CTNNA2: variants seen among roughly 807,000 people sequenced by gnomAD.
CTNNA2 encodes catenin alpha 2, also known as catenin alpha-2.
Under a neutral mutation model 101.0 loss-of-function variants are expected in CTNNA2, and 42 were observed. The observed-to-expected ratio is 0.42, with a 90% CI of 0.32 to 0.54. The LOEUF (loss-of-function observed/expected upper bound fraction) is 0.54. CTNNA2 is among the 20% of genes least tolerant of loss of function. CTNNA2 has a pLI of 0.14. For missense variants in CTNNA2, 871 were observed against 1,223.1 expected, an observed-to-expected ratio of 0.71 and a Z score of 4.29; for synonymous variants, 450 against 456.4, an observed-to-expected ratio of 0.99 and a Z score of 0.18.
intron 1 of CTNNA2, among the ~76,000 whole-genome samples, chr2:79,624,028 C>G (rs992226070): frequency 6.6e-6 from 1 of 151,934 alleles, no homozygotes; most frequent in Non-Finnish European, 1.5e-5. Context: ...TTCCCCCATG[C>G]TCTCTTTCCC....
At chr2:80,101,533 G>A (rs771476650) in intron 7 of CTNNA2, among the ~76,000 whole-genome samples, 17 of 152,100 alleles carry the variant, frequency 1.1e-4, no homozygotes, top group Non-Finnish European at 2.1e-4. Flanking sequence ...TCAAGTCTAT[G>A]CGTGATAGCC....
intron 2 of CTNNA2, among the ~76,000 whole-genome samples, chr2:79,230,431 G>C (rs936586881): frequency 2.0e-5 from 3 of 152,172 alleles, no homozygotes; most frequent in Non-Finnish European, 4.4e-5. Flanking sequence ...TGAGCCTGTG[G>C]GTACACAGAA....
At chr2:79,977,813 C>A (rs899503579) in intron 7 of CTNNA2, among the ~76,000 whole-genome samples, 2 of 151,964 alleles carry the variant, frequency 1.3e-5, no homozygotes, top group African/African-American at 2.4e-5. Flanking sequence ...ATAAGCCTTG[C>A]CAGTCTGTGA....
Position 80,566,778 on chromosome 2 carries a change from C to T in CTNNA2, c.1742-7385C>T, listed in dbSNP as rs145467990. ...GTCAGGGAATGGTACATAGACAAAG[C>T]TGGTACATAATTCAAAGATCAGTGT... On this transcript the variant is annotated intron_variant, in intron 12 of 18. Coordinates refer to ENST00000402739, the MANE Select transcript of CTNNA2 (RefSeq NM_001282597.3). Among the ~76,000 whole-genome samples, 325 of 152,202 alleles carry T rather than the reference C, an allele frequency of 2.1e-3. 1 individual carries two copies. Among genetic ancestry groups the T allele is most frequent in the Middle Eastern group, 6.8e-3 (2 of 294 alleles).
At chr2:80,427,593 A>G (rs748533694) in intron 9 of CTNNA2, among the ~76,000 whole-genome samples, 1 of 152,194 alleles carries the variant, frequency 6.6e-6, no homozygotes, top group Non-Finnish European at 1.5e-5. Flanking sequence ...TCTTTGCTTC[A>G]TCTTCTTGAC....
chr2:79,903,775 G>T (rs530603385), intron 6 of CTNNA2, among the ~76,000 whole-genome samples: 1 of 152,290 alleles, frequency 6.6e-6, no homozygotes, highest in South Asian at 2.1e-4. Flanking sequence ...TGGGGAGCCC[G>T]GATCAGGAGC....
At chr2:79,533,286 G>T (rs147436139) in intron 1 of CTNNA2, among the ~76,000 whole-genome samples, 1 of 152,154 alleles carries the variant, frequency 6.6e-6, no homozygotes, top group Non-Finnish European at 1.5e-5. Flanking sequence ...TTAAAGCAGG[G>T]ATAAGCTTTA....
intron 7 of CTNNA2, among the ~76,000 whole-genome samples, chr2:79,994,738 A>T (rs575555808): frequency 6.6e-6 from 1 of 152,290 alleles, no homozygotes; most frequent in African/African-American, 2.4e-5. Context: ...CATTTTCTAA[A>T]TATGTCTTTA....
intron 7 of CTNNA2, among the ~76,000 whole-genome samples, chr2:79,997,403 G>C (rs903299841): frequency 1.3e-5 from 2 of 151,886 alleles, no homozygotes; most frequent in African/African-American, 2.4e-5. Context: ...GAAAGGAAAG[G>C]AAAGAGGAAA....
At chr2:80,456,422 A>C (rs539555119) in intron 9 of CTNNA2, among the ~76,000 whole-genome samples, 18 of 152,246 alleles carry the variant, frequency 1.2e-4, no homozygotes, top group African/African-American at 4.3e-4. Context: ...GTCTCAGTAC[A>C]TTTGGGTGGA....
At position 79,399,175 on chromosome 2, in the gene CTNNA2, T is replaced by C. The variant is rs576348908; in HGVS notation, c.-135+25162T>C. Among the ~76,000 whole-genome samples the C allele has an allele frequency of 4.7e-4, 71 of 152,268 alleles. 1 individual carries two copies. The South Asian group carries it at 0.015, about 31-fold the overall frequency. Reference sequence around the variant, plus strand: ...ATAAATAATGACAACTGATTAACATTATAGCTGCCTGATGCAGCATTGCCA... The same window carrying C: ...ATAAATAATGACAACTGATTAACATCATAGCTGCCTGATGCAGCATTGCCA... On this transcript the variant is annotated intron_variant, in intron 4 of 21. Transcript: ENST00000466387.
intron 7 of CTNNA2, among the ~76,000 whole-genome samples, chr2:80,291,575 G>C (rs543509432): frequency 3.3e-5 from 5 of 152,322 alleles, no homozygotes; most frequent in Non-Finnish European, 7.3e-5. Context: ...ATAAACACCA[G>C]CAAATCTGCT....
chr2:80,203,681 G>T (rs1707352131), intron 7 of CTNNA2, among the ~76,000 whole-genome samples: 1 of 152,220 alleles, frequency 6.6e-6, no homozygotes, highest in African/African-American at 2.4e-5. Flanking sequence ...GGTGCACAGT[G>T]CAAGCTGTTG....
rs192837907 is a variant in CTNNA2, at chr2:79,852,857, T to G, written c.299-5156T>G. Among the ~76,000 whole-genome samples the G allele has an allele frequency of 4.3e-3, 656 of 152,304 alleles. 3 individuals carry two copies. Among genetic ancestry groups the G allele is most frequent in the African/African-American group, 0.014 (575 of 41,568 alleles). On this transcript the variant is annotated intron_variant, in intron 3 of 18. Transcript: ENST00000402739. ...CAACCGCCTCAGCCTCCCAAAGTGT[T>G]GGGATTACAGGCGTGAGCCACCGCG...
At chr2:79,412,073 A>G (rs1460458901) in intron 4 of CTNNA2, among the ~76,000 whole-genome samples, 1 of 152,072 alleles carries the variant, frequency 6.6e-6, no homozygotes, top group East Asian at 1.9e-4. Context: ...ATGGAAAACA[A>G]AAAAAGGCAG....
intron 2 of CTNNA2, among the ~76,000 whole-genome samples, chr2:79,274,609 G>T (rs1270934455): frequency 6.6e-6 from 1 of 151,742 alleles, no homozygotes; most frequent in Non-Finnish European, 1.5e-5. Context: ...AATTATTTTT[G>T]ATAAAATATG....
chr2:79,260,856 A>G (rs539219190), intron 2 of CTNNA2, among the ~76,000 whole-genome samples: 19 of 152,260 alleles, frequency 1.2e-4, no homozygotes, highest in African/African-American at 4.3e-4. Context: ...TCTTAAGCCA[A>G]ATCCAGGAAG....
intron 8 of CTNNA2, among the ~76,000 whole-genome samples, chr2:80,408,046 A>G (rs1347678985): frequency 3.9e-5 from 6 of 152,176 alleles, no homozygotes; most frequent in African/African-American, 1.4e-4. Context: ...ATCTGCACCA[A>G]GAAGTAAATG....
intron 7 of CTNNA2, among the ~76,000 whole-genome samples, chr2:79,953,748 T>A (rs1689038094): frequency 6.6e-6 from 1 of 152,192 alleles, no homozygotes; most frequent in African/African-American, 2.4e-5. Context: ...TCATGTGGAT[T>A]GAAGGGAATG....
Sources: gnomAD v4.1 joint callset for allele counts (sites outside exome capture counted in the v4.1 genomes callset) on GRCh38, gnomAD v4.1.1 for gene constraint, MANE v1.5 for transcripts, NCBI Gene and HGNC (gene_info 2026-07-23, HGNC 2026-07-21) for gene names.